The following TNS1 variants were observed in gnomAD, a reference collection of about 807,000 sequenced individuals.
The protein encoded by TNS1 is tensin-1.
TNS1 carries 62 observed loss-of-function variants against 168.6 expected under a neutral mutation model. The ratio of observed to expected loss-of-function variants is 0.37; its 90% CI spans 0.30 to 0.45. The LOEUF (loss-of-function observed/expected upper bound fraction) is 0.45. Among genes scored for constraint, TNS1 ranks in the 20% least tolerant of loss-of-function variants. The probability of loss-of-function intolerance (pLI) is 1.00; values close to 1 mark genes in which losing one functional copy is unlikely to be tolerated. For missense variants in TNS1, 2,240 were observed against 2,339.4 expected (o/e 0.96, Z 0.88); for synonymous variants, 934 against 933.2 (o/e 1.00, Z -0.02).
At chr2:217,961,383 C>T (rs543454152) in intron 3 of TNS1, among the ~76,000 whole-genome samples, 3 of 152,148 alleles carry the variant, frequency 2.0e-5, no homozygotes, top group Admixed American at 6.5e-5. Context: ...CCACTTTGGT[C>T]GGCACCACCT....
rs116468297 is a variant in TNS1, at chr2:218,028,061, G to A, written c.156+5759C>T. On this transcript the variant is annotated intron_variant, in intron 1 of 1. Transcript: ENST00000649572. ...CAGACAAGCTGGCCTGGAGGACACCGCTTTCCAGCATCCTGGTGACTGCCA... is the reference window on the plus strand; with the variant it reads ...CAGACAAGCTGGCCTGGAGGACACCACTTTCCAGCATCCTGGTGACTGCCA... 6.6e-3 allele frequency among the ~76,000 whole-genome samples: 1,002 copies of A among 152,352 alleles called. 9 individuals are homozygous for A. The highest frequency in any genetic ancestry group is 0.022 in the African/African-American group (932 of 41,586).
intron 3 of TNS1, among the ~76,000 whole-genome samples, chr2:217,930,099 A>T (rs2125899400): frequency 6.6e-6 from 1 of 151,848 alleles, no homozygotes; most frequent in Non-Finnish European, 1.5e-5. Flanking sequence ...TCACCTCTCC[A>T]CCTCAAAGCC....
chr2:218,002,105 C>T (rs951320882), intron 1 of TNS1, among the ~76,000 whole-genome samples: 2 of 152,204 alleles, frequency 1.3e-5, no homozygotes, highest in Non-Finnish European at 2.9e-5. Flanking sequence ...ACCCAGGAGC[C>T]TCAGCCCAGG....
intron 17 of TNS1, chr2:217,881,621 G>A (rs2125650123): frequency 6.5e-6 from 1 of 152,942 alleles, no homozygotes; most frequent in South Asian, 2.1e-4. Flanking sequence ...AATGCATGCA[G>A]AGCTTAAAAG....
In TNS1 at chr2:217,880,962, G is replaced by A. The variant is rs10199795; in HGVS notation, c.1365C>T (p.Ser455=). Residue 455 remains serine, a synonymous_variant, in exon 18 of 33, where the codon TCC becomes TCT. Coordinates refer to ENST00000682258, the MANE Select transcript of TNS1 (RefSeq NM_001387777.1). This position sits in a 1 kb window ranked among gnomAD's most constrained non-coding sequence, Gnocchi z 4.2. ...AGGAGTCCCAGCGGATGAGGGGGTC[G>A]GAGGTGTTATAGTCCACAGACACGC... ...GPSVSVDYNT[S]DPLIRWDSYD... is the part of the protein sequence containing the mutation. 0.59 allele frequency: 952,595 copies of A among 1,613,124 alleles called. 285,346 individuals carry two copies. The highest frequency in any genetic ancestry group is 0.62 in the Non-Finnish European group (728,644 of 1,179,456).
At chr2:218,030,843 CTG>C (rs983301978) in intron 1 of TNS1, among the ~76,000 whole-genome samples, 3 of 152,236 alleles carry the variant, frequency 2.0e-5, no homozygotes, top group Admixed American at 6.5e-5. Flanking sequence ...TGCACAGTGG[CTG>C]TGTGTCTGTG....
intron 18 of TNS1, among the ~76,000 whole-genome samples, chr2:217,876,513 C>T (rs890496898): frequency 2.0e-5 from 3 of 152,180 alleles, no homozygotes; most frequent in African/African-American, 4.8e-5. Flanking sequence ...CCTTTCCTTC[C>T]TCCCACTCAG....
At chr2:217,871,862 C>G (rs1034259856) in intron 18 of TNS1, among the ~76,000 whole-genome samples, 6 of 152,256 alleles carry the variant, frequency 3.9e-5, no homozygotes, top group African/African-American at 1.4e-4. Context: ...ACTCGGCCTC[C>G]CTCTCTGTGA....
chr2:217,842,615 G>A (rs1946129611), intron 19 of TNS1, among the ~76,000 whole-genome samples: 1 of 152,070 alleles, frequency 6.6e-6, no homozygotes, highest in Non-Finnish European at 1.5e-5. Context: ...GCCCACCCTG[G>A]TCAATTCAGA....
At chr2:217,977,405 C>G (rs1957922497) in intron 3 of TNS1, among the ~76,000 whole-genome samples, 1 of 152,226 alleles carries the variant, frequency 6.6e-6, no homozygotes, top group Non-Finnish European at 1.5e-5. Context: ...GGGAGCATTC[C>G]AAGCTGGAGT....
intron 1 of TNS1, among the ~76,000 whole-genome samples, chr2:218,022,778 C>A (rs1425914327): frequency 1.4e-4 from 12 of 85,786 alleles, no homozygotes; most frequent in Admixed American, 1.2e-3. Context: ...GGGCAGCAGG[C>A]AAGGGTGGGG....
At chr2:217,903,858 G>A (rs3791935) in intron 6 of TNS1, 61,419 of 479,394 alleles carry the variant, frequency 0.13, 4,640 homozygotes, top group South Asian at 0.26. Flanking sequence ...CTTCTTCCCC[G>A]TCATGAGGCA....
At chr2:217,946,955 T>TCACACACACA (rs1291975623) in intron 3 of TNS1, among the ~76,000 whole-genome samples, 9 of 113,654 alleles carry the variant, frequency 7.9e-5, no homozygotes, top group Non-Finnish European at 1.5e-4. Context: ...TCTCTCTCTC[T>TCACACACACA]CTCTCTCTCT....
At chr2:217,956,861 A>T (rs1957378311) in intron 3 of TNS1, among the ~76,000 whole-genome samples, 1 of 152,170 alleles carries the variant, frequency 6.6e-6, no homozygotes, top group South Asian at 2.1e-4. Flanking sequence ...TTCCTGGAAG[A>T]CAATAAGACC....
intron 4 of TNS1, among the ~76,000 whole-genome samples, chr2:217,908,642 C>T (rs1342583263): frequency 6.6e-6 from 1 of 152,124 alleles, no homozygotes; most frequent in South Asian, 2.1e-4. Context: ...CTGGGCTGAG[C>T]GGAGGTAACA....
Position 217,836,224 on chromosome 2 carries a change from C to T in TNS1, c.3008-13G>A, listed in dbSNP as rs1274893059. On this transcript the variant is annotated splice_polypyrimidine_tract_variant and intron_variant, in intron 19 of 32. Transcript: ENST00000682258. ...CGAGCCTGTACCCCTGGGAGGAAAG[C>T]AGGGTGTAGAGGACAATGAGCATTT... is the stretch of plus-strand genomic sequence containing the variant. 1 of 1,604,254 alleles carries T rather than the reference C, an allele frequency of 6.2e-7. No individual in the cohort carries two copies. Among genetic ancestry groups the T allele is most frequent in the Non-Finnish European group, 8.5e-7 (1 of 1,173,934 alleles).
chr2:217,994,703 T>C (rs573282146), intron 1 of TNS1, among the ~76,000 whole-genome samples: 6 of 152,334 alleles, frequency 3.9e-5, no homozygotes, highest in African/African-American at 1.4e-4. Flanking sequence ...TTGCCTGCCC[T>C]GGCAGCCCAG....
chr2:217,921,497 G>A (rs776921600), intron 3 of TNS1, among the ~76,000 whole-genome samples: 88 of 152,214 alleles, frequency 5.8e-4, no homozygotes, highest in Non-Finnish European at 1.1e-3. Flanking sequence ...CAGCAGCCCA[G>A]GGATTCCCCA....
At chr2:217,951,647 C>A (rs1412241817) in intron 3 of TNS1, among the ~76,000 whole-genome samples, 6 of 152,146 alleles carry the variant, frequency 3.9e-5, no homozygotes, top group Non-Finnish European at 5.9e-5. Context: ...TGCCTACACA[C>A]CCCAGGCCCT....
Sources: allele counts gnomAD v4.1 joint callset (sites outside exome capture counted in the v4.1 genomes callset), GRCh38; gene constraint gnomAD v4.1.1; non-coding constraint Gnocchi (gnomAD v3.1); transcripts MANE v1.5; gene names NCBI Gene and HGNC (gene_info 2026-07-23, HGNC 2026-07-21).